Variants in CSMD1 observed in about 807,000 individuals in gnomAD.
CSMD1 encodes CUB and sushi domain-containing protein 1.
CSMD1 carries 213 observed loss-of-function variants against 417.5 expected under a neutral mutation model. The observed-to-expected ratio is 0.51, with a 90% CI of 0.46 to 0.57. The LOEUF is 0.57. Among genes scored for constraint, CSMD1 ranks in the 20% least tolerant of loss-of-function variants. The pLI, the probability that CSMD1 is intolerant of heterozygous loss-of-function variation, is 0.00. For synonymous variants in CSMD1, 2,862 were observed against 1,736.8 expected (o/e 1.65, Z -16.11); for missense variants, 6,923 against 4,529.7 (o/e 1.53, Z -15.17).
At chr8:4,753,403 C>CCACACACA (rs71209121) in intron 1 of CSMD1, among the ~76,000 whole-genome samples, 25 of 137,896 alleles carry the variant, frequency 1.8e-4, no homozygotes, top group East Asian at 1.6e-3. Flanking sequence ...CCACCATAAA[C>CCACACACA]CACACACACA....
chr8:3,682,867 A>T (rs1188632464), intron 7 of CSMD1, among the ~76,000 whole-genome samples: 2 of 152,246 alleles, frequency 1.3e-5, no homozygotes, highest in Admixed American at 6.5e-5. Context: ...TAGCCATAAA[A>T]AATGAAGAGT....
chr8:4,651,161 A>G (rs985811653), intron 1 of CSMD1, among the ~76,000 whole-genome samples: 1 of 152,212 alleles, frequency 6.6e-6, no homozygotes, highest in African/African-American at 2.4e-5. Context: ...AACTGAGAAA[A>G]AAAATCAAAT....
intron 5 of CSMD1, among the ~76,000 whole-genome samples, chr8:3,881,456 G>A (rs769409333): frequency 2.0e-5 from 3 of 151,504 alleles, no homozygotes; most frequent in Non-Finnish European, 4.4e-5. Flanking sequence ...TCAAGATGGT[G>A]AAACCCTGTC....
intron 4 of CSMD1, among the ~76,000 whole-genome samples, chr8:4,017,891 G>C (rs1416635905): frequency 1.3e-5 from 2 of 152,132 alleles, no homozygotes; most frequent in Non-Finnish European, 2.9e-5. Context: ...AAAGGACTTA[G>C]GCTAATCATC....
At chr8:4,330,659 A>C (rs1412274074) in intron 3 of CSMD1, among the ~76,000 whole-genome samples, 1 of 151,714 alleles carries the variant, frequency 6.6e-6, no homozygotes, top group African/African-American at 2.4e-5. Flanking sequence ...ACAACCTCTT[A>C]TGCCTTTAAG....
At chr8:4,341,986 T>G (rs1164526363) in intron 3 of CSMD1, among the ~76,000 whole-genome samples, 1 of 152,132 alleles carries the variant, frequency 6.6e-6, no homozygotes, top group Non-Finnish European at 1.5e-5. Context: ...GAAAGTGGCC[T>G]TATTTCCACC....
At chr8:3,468,326 A>G (rs990800845) in intron 12 of CSMD1, among the ~76,000 whole-genome samples, 4 of 152,330 alleles carry the variant, frequency 2.6e-5, no homozygotes, top group East Asian at 1.9e-4. Context: ...ATAAAAATTT[A>G]TAATTGTAAG....
chr8:3,572,991 T>G (rs2116930489), intron 10 of CSMD1, among the ~76,000 whole-genome samples: 1 of 151,630 alleles, frequency 6.6e-6, no homozygotes. Flanking sequence ...ATCAATAAAC[T>G]AGTTATATAC....
chr8:4,800,980 C>G (rs371883613), intron 1 of CSMD1, among the ~76,000 whole-genome samples: 3 of 152,148 alleles, frequency 2.0e-5, no homozygotes, highest in African/African-American at 7.2e-5. Flanking sequence ...TTAGTTTTAT[C>G]CCAAGTTGTA....
In CSMD1 at chr8:4,529,862, C is replaced by T. The variant is rs557827778; in HGVS notation, c.302+107480G>A. On this transcript the variant is annotated intron_variant, in intron 2 of 69. Transcript: ENST00000635120. ...GGTTACCGTCAGGTTGCTGCCCATGCTGCTGCCATTGTTTTTTTTTTTTAA... is the reference window on the plus strand; with the variant it reads ...GGTTACCGTCAGGTTGCTGCCCATGTTGCTGCCATTGTTTTTTTTTTTTAA... Among the ~76,000 whole-genome samples, 3 of 148,156 alleles carry T rather than the reference C, an allele frequency of 2.0e-5. No homozygotes were observed. In the South Asian group the frequency reaches 6.4e-4, roughly 32 times the overall value.
At chr8:4,750,226 C>A (rs897957676) in intron 1 of CSMD1, among the ~76,000 whole-genome samples, 4 of 151,430 alleles carry the variant, frequency 2.6e-5, no homozygotes, top group African/African-American at 9.8e-5. Flanking sequence ...CCACGATGGT[C>A]TCGATCTCCC....
chr8:3,693,274 C>A (rs146179120), intron 7 of CSMD1, among the ~76,000 whole-genome samples: 2 of 151,944 alleles, frequency 1.3e-5, no homozygotes, highest in Admixed American at 1.3e-4. Context: ...TGCAAGGTCA[C>A]TTATCAATGA....
intron 1 of CSMD1, among the ~76,000 whole-genome samples, chr8:4,867,166 T>G (rs1309725988): frequency 6.6e-6 from 1 of 152,056 alleles, no homozygotes; most frequent in Non-Finnish European, 1.5e-5. Context: ...ATTTAACCAC[T>G]GTGACAGCAA....
chr8:3,800,346 T>C lies in CSMD1; in HGVS notation c.819-46304A>G, dbSNP rs535761749. On this transcript the variant is annotated intron_variant, in intron 5 of 69. Coordinates refer to ENST00000635120, the MANE Select transcript of CSMD1 (RefSeq NM_033225.6). ...AATTTTATAATATGTCAAAATATTATTGTTCCGGAAGTGTTTTGAGAAACA... is the reference window on the plus strand; with the variant it reads ...AATTTTATAATATGTCAAAATATTACTGTTCCGGAAGTGTTTTGAGAAACA... Among the ~76,000 whole-genome samples, 5 of 152,234 alleles carry C rather than the reference T, an allele frequency of 3.3e-5. No individual in the cohort carries two copies. The East Asian group carries it at 9.7e-4, about 29-fold the overall frequency.
chr8:4,914,234 A>T (rs1335677646), intron 1 of CSMD1, among the ~76,000 whole-genome samples: 1 of 152,148 alleles, frequency 6.6e-6, no homozygotes, highest in Non-Finnish European at 1.5e-5. Flanking sequence ...AAAGCTATGG[A>T]ATTATGCAAG....
At chr8:4,839,353 C>T (rs1349081862) in intron 1 of CSMD1, among the ~76,000 whole-genome samples, 2 of 152,126 alleles carry the variant, frequency 1.3e-5, no homozygotes, top group Non-Finnish European at 2.9e-5. Flanking sequence ...TACAACCAAG[C>T]AAATATATTT....
intron 23 of CSMD1, among the ~76,000 whole-genome samples, chr8:3,332,345 G>A (rs1229379956): frequency 6.6e-6 from 1 of 152,236 alleles, no homozygotes; most frequent in Non-Finnish European, 1.5e-5. Flanking sequence ...TGGGGTTGCT[G>A]AGGGCTTGCC....
At chr8:3,189,783 T>C in intron 34 of CSMD1, 129 bp downstream of exon 34, 1 of 762,368 alleles carries the variant, frequency 1.3e-6, no homozygotes, top group South Asian at 1.9e-5. Context: ...TTACTTCCCA[T>C]GAAACAAACT....
intron 3 of CSMD1, among the ~76,000 whole-genome samples, chr8:4,306,147 G>C (rs1277323826): frequency 6.7e-6 from 1 of 149,772 alleles, no homozygotes. Context: ...TAGATTTTTA[G>C]AAGAAAGAGT....
Sources: allele counts gnomAD v4.1 joint callset (sites outside exome capture counted in the v4.1 genomes callset), GRCh38; gene constraint gnomAD v4.1.1; transcripts MANE v1.5; gene names NCBI Gene and HGNC (gene_info 2026-07-23, HGNC 2026-07-21).